TCF12: variants seen among roughly 807,000 people sequenced by gnomAD.
The protein encoded by TCF12 is DNA-binding protein HTF4.
Under a neutral mutation model 86.0 loss-of-function variants are expected in TCF12, and 45 were observed. The ratio of observed to expected loss-of-function variants is 0.52; its 90% CI spans 0.41 to 0.67. TCF12 has a LOEUF of 0.67. Among genes scored for constraint, TCF12 ranks in the 30% least tolerant of loss-of-function variants. TCF12 has a pLI of 0.00. For missense variants in TCF12, 881 were observed against 859.9 expected (o/e 1.02, Z -0.31); for synonymous variants, 330 against 299.6 (o/e 1.10, Z -1.05).
At chr15:57,020,432 A>G (rs1359141006) in intron 3 of TCF12, among the ~76,000 whole-genome samples, 3 of 152,184 alleles carry the variant, frequency 2.0e-5, no homozygotes, top group African/African-American at 7.2e-5. Flanking sequence ...TAACCCTTTT[A>G]AAAGGGTACT....
At chr15:57,017,077 C>G (rs2065195200) in intron 3 of TCF12, among the ~76,000 whole-genome samples, 2 of 152,148 alleles carry the variant, frequency 1.3e-5, no homozygotes, top group African/African-American at 4.8e-5. Context: ...TGATCTGAGT[C>G]TCCTGTCTTC....
chr15:57,274,616 C>T (rs2061295181), intron 19 of TCF12, among the ~76,000 whole-genome samples: 1 of 152,134 alleles, frequency 6.6e-6, no homozygotes, highest in Admixed American at 6.5e-5. Context: ...GTCTGACACC[C>T]TTTGTCTCGC....
rs138333871 is a variant in TCF12 at position 57,201,915 on chromosome 15, G to A, written c.579+4090G>A. Among the ~76,000 whole-genome samples, 863 of 152,196 alleles carry A rather than the reference G, an allele frequency of 5.7e-3. 9 individuals carry two copies. The highest frequency in any genetic ancestry group is 0.02 in the African/African-American group (811 of 41,504). ...CAAGGGAATTTTGAATCTCTGGGTG[G>A]GGATTTGGGGCAGGGTTTTTTCCTG... On this transcript the variant is annotated intron_variant, in intron 8 of 20. Coordinates refer to ENST00000333725, the MANE Select transcript of TCF12 (RefSeq NM_207037.2).
intron 5 of TCF12, among the ~76,000 whole-genome samples, chr15:57,134,698 A>T (rs1451910267): frequency 2.0e-5 from 3 of 152,236 alleles, no homozygotes; most frequent in Non-Finnish European, 4.4e-5. Flanking sequence ...TATGAATCAG[A>T]TACAATTAAG....
At chr15:57,046,369 C>G (rs1394719161) in intron 3 of TCF12, among the ~76,000 whole-genome samples, 1 of 152,172 alleles carries the variant, frequency 6.6e-6, no homozygotes, top group Admixed American at 6.5e-5. Context: ...AAGAGAAACT[C>G]AGACACTAGT....
rs542705116 is a variant in TCF12 at position 57,162,826 on chromosome 15, C to T, written c.326-3576C>T. On this transcript the variant is annotated intron_variant, in intron 5 of 20. Coordinates refer to ENST00000333725, the MANE Select transcript of TCF12 (RefSeq NM_207037.2). ...TTTAACCTTGTTCCTTTTTCCACTT[C>T]AACTTTTTTTTTTTAAAGAGTTCTT... is the stretch of plus-strand genomic sequence containing the variant. Among the ~76,000 whole-genome samples, 3 of 152,060 alleles carry T rather than the reference C, an allele frequency of 2.0e-5. No individual in the cohort carries two copies. The East Asian group carries it at 5.8e-4, about 29-fold the overall frequency.
Position 57,091,829 on chromosome 15 carries a change from A to G in TCF12, c.263A>G (p.Asp88Gly). ...CCTCATTACAGTGATCACTTGAATGACAGTCGATTAGGAGCCCATGAAGGC... is the reference window on the plus strand; with the variant it reads ...CCTCATTACAGTGATCACTTGAATGGCAGTCGATTAGGAGCCCATGAAGGC... ...DSPHYSDHLNDSRLGAHEGLS... is the reference protein window; with the variant it reads ...DSPHYSDHLNGSRLGAHEGLS... Residue 88 changes from aspartate (D) to glycine (G), a missense_variant, in exon 5 of 21, where the codon GAC becomes GGC. Physicochemically the swap from Asp to Gly is moderately conservative, Grantham distance 94. This residue lies in a region of TCF12 where 766 missense variants were observed against 718.9 expected (regional missense o/e 1.07). Transcript: ENST00000333725. 1.2e-6 allele frequency: 2 copies of G among 1,613,888 alleles called. No individual in the cohort carries two copies.
At chr15:57,241,126 C>T (rs1239820115) in intron 12 of TCF12, among the ~76,000 whole-genome samples, 1 of 151,602 alleles carries the variant, frequency 6.6e-6, no homozygotes, top group Non-Finnish European at 1.5e-5. Context: ...CACTGTCTTA[C>T]TCTGTCACCC....
chr15:57,167,871 A>G (rs2055017612), intron 6 of TCF12, among the ~76,000 whole-genome samples: 2 of 152,116 alleles, frequency 1.3e-5, no homozygotes, highest in African/African-American at 4.8e-5. Flanking sequence ...GCTTTATTTT[A>G]TTCTAGTCAT....
Position 57,063,905 on chromosome 15 carries a change from G to C in TCF12, c.222+82G>C. ...CTTTCATATATGCTGTTTCTTATGA[G>C]AAATGAAAATTAATTTCTTTTCATG... On this transcript the variant is annotated intron_variant, in intron 4 of 20. Coordinates refer to ENST00000333725, the MANE Select transcript of TCF12 (RefSeq NM_207037.2). The C allele has an allele frequency of 4.6e-6, 5 of 1,085,310 alleles. No homozygotes were observed. In the South Asian group the frequency reaches 9.1e-5, roughly 20 times the overall value. 67.2% of individuals were successfully genotyped at this position (1,085,310 alleles called of 1,614,324 possible). A position where few individuals can be genotyped will look rare whatever the true frequency, so the allele number is the denominator to read the frequency against.
intron 7 of TCF12, among the ~76,000 whole-genome samples, chr15:57,194,368 T>C (rs1373640360): frequency 8.5e-6 from 1 of 117,042 alleles, no homozygotes; most frequent in Non-Finnish European, 2.2e-5. Flanking sequence ...GCTAAATAAT[T>C]TGGCCAAGGC....
intron 4 of TCF12, among the ~76,000 whole-genome samples, chr15:57,064,508 T>C (rs1449911866): frequency 6.6e-6 from 1 of 152,112 alleles, no homozygotes; most frequent in Non-Finnish European, 1.5e-5. Context: ...AGAGATACTT[T>C]TCCAGGCTGG....
chr15:57,115,539 GA>G (rs2050780023), intron 5 of TCF12, among the ~76,000 whole-genome samples: 1 of 152,108 alleles, frequency 6.6e-6, no homozygotes, highest in African/African-American at 2.4e-5. Flanking sequence ...GTAGTAAGTA[GA>G]AAAAAGCACA....
chr15:57,243,721 A>ATTT (rs1329079628), intron 13 of TCF12, among the ~76,000 whole-genome samples, 171 bp downstream of exon 13: 1 of 152,214 alleles, frequency 6.6e-6, no homozygotes, highest in Admixed American at 6.5e-5. Flanking sequence ...GAGAATATTG[A>ATTT]AATATTTGCT....
intron 6 of TCF12, among the ~76,000 whole-genome samples, chr15:57,191,849 G>C (rs779677800): frequency 2.6e-5 from 4 of 151,738 alleles, no homozygotes; most frequent in Non-Finnish European, 2.9e-5. Context: ...CATGAGAATC[G>C]CTTGAACACG....
At position 57,115,410 on chromosome 15, in the gene TCF12, CAGTGA is replaced by C. The variant is rs1567452302; in HGVS notation, c.325+23520_325+23524del. Among the ~76,000 whole-genome samples the C allele has an allele frequency of 1.4e-4, 22 of 152,244 alleles. 1 individual carries two copies. The South Asian group carries it at 4.6e-3, about 32-fold the overall frequency. On this transcript the variant is annotated intron_variant, in intron 5 of 20. Coordinates refer to ENST00000333725, the MANE Select transcript of TCF12 (RefSeq NM_207037.2). Reference sequence around the variant, plus strand: ...TTCTAGTAATTTTTGATGAAATTGGCAGTGACATTAGTGGCATTAGCATCTTACAA... The same window carrying C: ...TTCTAGTAATTTTTGATGAAATTGGCCATTAGTGGCATTAGCATCTTACAA...
At chr15:57,020,534 T>C (rs2065414736) in intron 3 of TCF12, among the ~76,000 whole-genome samples, 1 of 152,168 alleles carries the variant, frequency 6.6e-6, no homozygotes, top group South Asian at 2.1e-4. Flanking sequence ...ATATTTTGCT[T>C]CAAACATTAA....
At chr15:56,995,411 A>T (rs1420258847) in intron 3 of TCF12, among the ~76,000 whole-genome samples, 12 of 151,776 alleles carry the variant, frequency 7.9e-5, no homozygotes, top group Admixed American at 7.2e-4. Context: ...TAGTGTGGTC[A>T]TTTTAATGAT....
At chr15:57,200,127 T>C (rs1039626738) in intron 8 of TCF12, among the ~76,000 whole-genome samples, 1 of 150,314 alleles carries the variant, frequency 6.7e-6, no homozygotes, top group African/African-American at 2.5e-5. Context: ...GTGCTTCTCC[T>C]GCCACAGCCT....
Sources: gnomAD v4.1 joint callset for allele counts (sites outside exome capture counted in the v4.1 genomes callset) on GRCh38, gnomAD v4.1.1 for gene constraint, gnomAD v4.1.1 regional missense constraint, MANE v1.5 for transcripts, NCBI Gene and HGNC (gene_info 2026-07-23, HGNC 2026-07-21) for gene names.